ENOX1: variants seen among roughly 807,000 people sequenced by gnomAD.
ENOX1 encodes candidate growth-related and time keeping constitutive hydroquinone (NADH) oxidase.
ENOX1 carries 42 observed loss-of-function variants against 82.5 expected under a neutral mutation model. The ratio of observed to expected loss-of-function variants is 0.51; its 90% CI spans 0.40 to 0.66. ENOX1 has a LOEUF of 0.66. ENOX1 is among the 30% of genes least tolerant of loss of function. The pLI is 0.00. For missense variants in ENOX1, 608 were observed against 811.6 expected, an observed-to-expected ratio of 0.75 and a Z score of 3.05; for synonymous variants, 271 against 282.2, an observed-to-expected ratio of 0.96 and a Z score of 0.40.
intron 2 of ENOX1, among the ~76,000 whole-genome samples, chr13:43,530,270 T>G (rs1383959633): frequency 6.6e-6 from 1 of 152,162 alleles, no homozygotes; most frequent in Non-Finnish European, 1.5e-5. Context: ...CAGGATTTAT[T>G]TCCTGATAGA....
intron 1 of ENOX1, among the ~76,000 whole-genome samples, chr13:43,777,481 C>T (rs927908637): frequency 1.3e-5 from 2 of 151,918 alleles, no homozygotes; most frequent in African/African-American, 4.8e-5. Flanking sequence ...TAAAACTGTA[C>T]ACTATAGTTT....
At chr13:43,740,842 T>C (rs2089872664) in intron 1 of ENOX1, among the ~76,000 whole-genome samples, 1 of 152,230 alleles carries the variant, frequency 6.6e-6, no homozygotes, top group Non-Finnish European at 1.5e-5. Flanking sequence ...TATCGATGAA[T>C]AATATTCCAT....
At chr13:43,223,098 A>G (rs771202426) in intron 16 of ENOX1, among the ~76,000 whole-genome samples, 1 of 152,190 alleles carries the variant, frequency 6.6e-6, no homozygotes, top group Non-Finnish European at 1.5e-5. Flanking sequence ...CATGATAGTC[A>G]TTTGATGCAT....
chr13:43,708,747 G>A (rs901671061), intron 1 of ENOX1, among the ~76,000 whole-genome samples: 4 of 152,114 alleles, frequency 2.6e-5, no homozygotes, highest in African/African-American at 9.7e-5. Context: ...AAGTAACCCA[G>A]GACGATTCAT....
chr13:43,289,824 T>C (rs2045900883), intron 12 of ENOX1, among the ~76,000 whole-genome samples: 1 of 152,154 alleles, frequency 6.6e-6, no homozygotes, highest in Non-Finnish European at 1.5e-5. Context: ...TCACAAACTA[T>C]GCAGCTGACA....
intron 11 of ENOX1, among the ~76,000 whole-genome samples, chr13:43,318,401 C>A (rs2047630878): frequency 6.6e-6 from 1 of 152,174 alleles, no homozygotes. Flanking sequence ...TACCCTGTAT[C>A]TAACTAACTC....
intron 11 of ENOX1, among the ~76,000 whole-genome samples, chr13:43,311,888 G>A (rs1360415611): frequency 6.6e-6 from 1 of 152,208 alleles, no homozygotes; most frequent in Non-Finnish European, 1.5e-5. Context: ...GTAGAGAAAT[G>A]GATGGCTTTA....
intron 2 of ENOX1, among the ~76,000 whole-genome samples, chr13:43,578,973 A>G (rs928173585): frequency 1.2e-4 from 18 of 152,110 alleles, no homozygotes; most frequent in Admixed American, 9.2e-4. Context: ...ACCAGAAATC[A>G]TATTCCTAGA....
intron 1 of ENOX1, among the ~76,000 whole-genome samples, chr13:43,777,447 G>C (rs577829923): frequency 2.0e-5 from 3 of 152,024 alleles, no homozygotes; most frequent in Non-Finnish European, 4.4e-5. Flanking sequence ...TTGATGGATT[G>C]TATCAATATC....
At chr13:43,359,750 T>C in intron 7 of ENOX1, 101 bp downstream of exon 7, 2 of 1,140,744 alleles carry the variant, frequency 1.8e-6, no homozygotes, top group South Asian at 2.8e-5. Context: ...CCCCAAACTA[T>C]GAAGACTTTA....
intron 2 of ENOX1, among the ~76,000 whole-genome samples, chr13:43,576,259 T>G (rs2080417042): frequency 6.6e-6 from 1 of 152,156 alleles, no homozygotes; most frequent in South Asian, 2.1e-4. Flanking sequence ...GAGGGAAGCA[T>G]GCAATCTTCC....
chr13:43,516,274 T>A (rs2077556973), intron 2 of ENOX1, among the ~76,000 whole-genome samples: 1 of 152,182 alleles, frequency 6.6e-6, no homozygotes, highest in Non-Finnish European at 1.5e-5. Context: ...TGGAGATCAA[T>A]CCAGTATCAG....
At chr13:43,742,700 G>A (rs762762879) in intron 1 of ENOX1, among the ~76,000 whole-genome samples, 1 of 152,152 alleles carries the variant, frequency 6.6e-6, no homozygotes, top group Admixed American at 6.5e-5. Context: ...AAGAGATAAT[G>A]GTGGCTCAAC....
intron 2 of ENOX1, among the ~76,000 whole-genome samples, chr13:43,571,112 A>G (rs1191382293): frequency 1.3e-5 from 2 of 152,116 alleles, no homozygotes; most frequent in East Asian, 3.9e-4. Context: ...CATAAAAGGC[A>G]CAGAATCTCC....
intron 2 of ENOX1, among the ~76,000 whole-genome samples, chr13:43,583,917 G>A (rs9525805): frequency 0.13 from 19,203 of 150,872 alleles, 1,781 homozygotes; most frequent in East Asian, 0.48. Context: ...ACATTTTGAC[G>A]CACGAGCACA....
At chr13:43,310,321 C>T (rs2153517784) in intron 11 of ENOX1, among the ~76,000 whole-genome samples, 1 of 151,468 alleles carries the variant, frequency 6.6e-6, no homozygotes, top group East Asian at 2.0e-4. Context: ...AGAAACAGAG[C>T]TGTTTGGGCA....
intron 2 of ENOX1, among the ~76,000 whole-genome samples, chr13:43,630,465 C>T (rs1384625640): frequency 1.3e-5 from 2 of 152,088 alleles, no homozygotes; most frequent in African/African-American, 4.8e-5. Context: ...TTAAAACACT[C>T]TCCCCTCAAT....
At chr13:43,477,504 G>C (rs1481087732) in intron 3 of ENOX1, among the ~76,000 whole-genome samples, 1 of 152,066 alleles carries the variant, frequency 6.6e-6, no homozygotes. Flanking sequence ...AATATACAAG[G>C]CTGATTATTT....
At chr13:43,459,926 A>G (rs9533494) in intron 3 of ENOX1, among the ~76,000 whole-genome samples, 69,784 of 151,754 alleles carry the variant, frequency 0.46, 16,457 homozygotes, top group Non-Finnish European at 0.5. Flanking sequence ...TCTGGGAGGC[A>G]GAGGTTGCAG....
Sources: allele counts gnomAD v4.1 joint callset (sites outside exome capture counted in the v4.1 genomes callset), GRCh38; gene constraint gnomAD v4.1.1; transcripts MANE v1.5; gene names NCBI Gene and HGNC (gene_info 2026-07-23, HGNC 2026-07-21).